Variants in ADGRB1 observed in about 807,000 individuals in gnomAD.
The protein encoded by ADGRB1 is brain-specific angiogenesis inhibitor 1.
A neutral mutation model predicts 175.7 loss-of-function variants in ADGRB1; 36 were observed. The ratio of observed to expected loss-of-function variants is 0.20; its 90% CI spans 0.16 to 0.27. The LOEUF is 0.27. Ranked by LOEUF, ADGRB1 falls within the 10% of genes least tolerant of loss-of-function variation. ADGRB1 has a pLI of 1.00. For missense variants in ADGRB1, 1,731 were observed against 2,255.3 expected (o/e 0.77, Z 4.71); for synonymous variants, 1,054 against 979.4 (o/e 1.08, Z -1.42).
chr8:142,475,256 G>A (rs1327403203), intron 2 of ADGRB1, among the ~76,000 whole-genome samples: 1 of 152,192 alleles, frequency 6.6e-6, no homozygotes, highest in African/African-American at 2.4e-5. Context: ...CTGGCACACG[G>A]GGACCCTTCA....
chr8:142,543,021 T>C lies in ADGRB1; in HGVS notation c.4413+374T>C, dbSNP rs1009028940. The stretch of plus-strand genomic sequence containing the variant: ...CTCAGTCAGCCTGTAGGATGTTGTT[T>C]TTGGGGGAGCCCGTCCCCACAGGAT... On this transcript the variant is annotated intron_variant, in intron 28 of 30. Coordinates refer to ENST00000517894, the MANE Select transcript of ADGRB1 (RefSeq NM_001702.3). This position sits in a 1 kb window ranked among gnomAD's most constrained non-coding sequence, Gnocchi z 4.4. Among the ~76,000 whole-genome samples the C allele has an allele frequency of 6.6e-6, 1 of 152,138 alleles. No individual in the cohort carries two copies. Among genetic ancestry groups the C allele is most frequent in the Non-Finnish European group, 1.5e-5 (1 of 67,988 alleles).
chr8:142,509,779 A>G (rs1222986783), intron 17 of ADGRB1, among the ~76,000 whole-genome samples: 1 of 152,246 alleles, frequency 6.6e-6, no homozygotes, highest in Non-Finnish European at 1.5e-5. Context: ...GAAGGAGACC[A>G]GCAGCTGGGG....
chr8:142,489,994 T>G (rs1014801224), intron 16 of ADGRB1, among the ~76,000 whole-genome samples: 2 of 151,854 alleles, frequency 1.3e-5, no homozygotes, highest in African/African-American at 4.8e-5. Context: ...CTCAGAGGAG[T>G]AGGGGCCGAG....
chr8:142,525,184 G>A (rs1042069384), intron 23 of ADGRB1, among the ~76,000 whole-genome samples: 3 of 152,022 alleles, frequency 2.0e-5, no homozygotes, highest in African/African-American at 7.2e-5. Context: ...GGGGTTGGAG[G>A]GGCAGTGGGG....
chr8:142,489,135 T>C (rs1587326117), intron 15 of ADGRB1, 25 bp downstream of exon 15: 3 of 1,576,574 alleles, frequency 1.9e-6, no homozygotes, highest in Non-Finnish European at 2.6e-6. Context: ...GCAGGTGGGG[T>C]GGGCAGTGCA....
chr8:142,468,394 C>A (rs1472994410), intron 2 of ADGRB1, among the ~76,000 whole-genome samples: 1 of 152,136 alleles, frequency 6.6e-6, no homozygotes, highest in African/African-American at 2.4e-5. Context: ...CATATTGACT[C>A]GGCTGCTGGC....
At chr8:142,489,982 G>GCCT (rs1841909207) in intron 16 of ADGRB1, among the ~76,000 whole-genome samples, 1 of 152,186 alleles carries the variant, frequency 6.6e-6, no homozygotes, top group Non-Finnish European at 1.5e-5. Context: ...CCTTCCTTGG[G>GCCT]CCTCAGAGGA....
intron 25 of ADGRB1, among the ~76,000 whole-genome samples, chr8:142,535,595 C>T (rs981704337): frequency 1.3e-5 from 2 of 152,150 alleles, no homozygotes; most frequent in African/African-American, 4.8e-5. Flanking sequence ...CCATGCCGGG[C>T]AGCCCAGCCG....
chr8:142,478,021 C>A (rs959890847), intron 6 of ADGRB1, among the ~76,000 whole-genome samples, 166 bp from the exon 7 acceptor site: 1 of 149,780 alleles, frequency 6.7e-6, no homozygotes, highest in Non-Finnish European at 1.5e-5. Flanking sequence ...TGGGTGTTCT[C>A]ACCCATGTCA....
rs2132286136 is a variant in ADGRB1, at chr8:142,541,934, C to T, written c.3707-7C>T. 1.9e-6 allele frequency: 3 copies of T among 1,541,196 alleles called. No homozygotes were observed. The highest frequency in any genetic ancestry group is 2.6e-6 in the Non-Finnish European group (3 of 1,145,822). On this transcript the variant is annotated splice_region_variant and splice_polypyrimidine_tract_variant and intron_variant, in intron 27 of 30. Transcript: ENST00000517894. ...TGTCCCCGCTGTCTCCCCCGCGGCC[C>T]CTGCAGTGCTGAACAAGGACATCGC...
intron 7 of ADGRB1, 48 bp from the exon 8 acceptor site, chr8:142,479,271 TGGAC>T (rs1841193254): frequency 1.2e-5 from 17 of 1,440,856 alleles, no homozygotes; most frequent in Non-Finnish European, 1.4e-5. Context: ...CTGTGGCTCC[TGGAC>T]CCTGCCCTTC....
Position 142,518,151 on chromosome 8 carries a change from C to T in ADGRB1, c.2831C>T (p.Ala944Val), listed in dbSNP as rs201540815. The change falls in exon 19 of 31, where the codon GCG (alanine) becomes GTG (valine). Residue 944 changes from alanine to valine, a missense_variant. This residue lies in a region of ADGRB1 where 301 missense variants were observed against 488.4 expected (regional missense o/e 0.62). Coordinates refer to ENST00000517894, the MANE Select transcript of ADGRB1 (RefSeq NM_001702.3). ...QLSADANMEK[A>V]TLPSVTLIVG... ...CGGTCCCCACAGAACATGGAGAAGG[C>T]GACTCTGCCGTCGGTGACGCTCATC... 9.1e-5 allele frequency: 147 copies of T among 1,613,678 alleles called. No individual in the cohort carries two copies. In the African/African-American group the frequency reaches 1.4e-3, roughly 15 times the overall value.
intron 26 of ADGRB1, among the ~76,000 whole-genome samples, chr8:142,538,223 G>A (rs745367251): frequency 6.6e-6 from 1 of 152,212 alleles, no homozygotes; most frequent in African/African-American, 2.4e-5. Flanking sequence ...AACTCTGCAC[G>A]GCTGGTGCGC....
rs75456172 is a variant in ADGRB1 at position 142,455,793 on chromosome 8, G to A, written c.-220+5689G>A. On this transcript the variant is annotated intron_variant, in intron 1 of 30. Coordinates refer to ENST00000517894, the MANE Select transcript of ADGRB1 (RefSeq NM_001702.3). This position sits in a 1 kb window ranked among gnomAD's most constrained non-coding sequence, Gnocchi z 4.9. ...CTGGGCACTGGCCTGGGTGCAAGGCGGGGAAGGAGGCTTCCAAAGCCCACA... is the reference window on the plus strand; with the variant it reads ...CTGGGCACTGGCCTGGGTGCAAGGCAGGGAAGGAGGCTTCCAAAGCCCACA... Among the ~76,000 whole-genome samples the A allele has an allele frequency of 4.3e-3, 650 of 152,282 alleles. 3 individuals carry two copies. The highest frequency in any genetic ancestry group is 0.015 in the African/African-American group (612 of 41,558).
At position 142,481,565 on chromosome 8, in the gene ADGRB1, G is replaced by T. The variant is rs1050206146; in HGVS notation, c.1984G>T (p.Val662Phe). 6 of 1,598,470 alleles carry T rather than the reference G, an allele frequency of 3.8e-6. No homozygotes were observed. Among genetic ancestry groups the T allele is most frequent in the African/African-American group, 2.7e-5 (2 of 74,584 alleles). ...KAQRGLPGEG[V>F]SEVIQTLVEI... ...TCAGCGAGGGCTGCCTGGGGAGGGG[G>T]TCTCGGAGGTCATCCAGACACTGGT... Residue 662 changes from valine to phenylalanine, a missense_variant, in exon 11 of 31, where the codon GTC (valine) becomes TTC (phenylalanine). Physicochemically the swap from Val to Phe is conservative, Grantham distance 50. This residue lies in a region of ADGRB1 where 388 missense variants were observed against 630.9 expected (regional missense o/e 0.61). Coordinates refer to ENST00000517894, the MANE Select transcript of ADGRB1 (RefSeq NM_001702.3).
At chr8:142,514,047 C>T (rs560328523) in intron 18 of ADGRB1, among the ~76,000 whole-genome samples, 26 of 151,824 alleles carry the variant, frequency 1.7e-4, no homozygotes, top group African/African-American at 4.8e-4. Flanking sequence ...GTTGGGGAGG[C>T]GGCCAGAAGT....
intron 17 of ADGRB1, among the ~76,000 whole-genome samples, chr8:142,501,694 G>A (rs1480832672): frequency 8.1e-6 from 1 of 123,554 alleles, no homozygotes; most frequent in Non-Finnish European, 1.7e-5. Flanking sequence ...TGACGATGGA[G>A]GTGGGGTGGT....
At chr8:142,523,037 G>T (rs998761306) in intron 22 of ADGRB1, among the ~76,000 whole-genome samples, 4 of 152,230 alleles carry the variant, frequency 2.6e-5, no homozygotes, top group African/African-American at 9.6e-5. Flanking sequence ...GCCCCCCTCT[G>T]TACGGTGCTG....
chr8:142,518,406 C>G (rs1247150193), intron 19 of ADGRB1, among the ~76,000 whole-genome samples, 165 bp downstream of exon 19: 1 of 46,624 alleles, frequency 2.1e-5, no homozygotes, highest in Non-Finnish European at 4.3e-5. Context: ...TGTGGCCCCT[C>G]CGAGGCCTCC....
Sources: allele counts gnomAD v4.1 joint callset (sites outside exome capture counted in the v4.1 genomes callset), GRCh38; gene constraint gnomAD v4.1.1; regional missense constraint gnomAD v4.1.1; non-coding constraint Gnocchi (gnomAD v3.1); transcripts MANE v1.5; gene names NCBI Gene and HGNC (gene_info 2026-07-23, HGNC 2026-07-21).